The following TACC2 variants were observed in gnomAD, a reference collection of about 807,000 sequenced individuals.
The protein encoded by TACC2 is transforming acidic coiled-coil containing protein 2.
In TACC2, 137 loss-of-function variants were observed where a neutral mutation model predicts 227.3. That is an observed-to-expected ratio of 0.60 (90% CI 0.52 to 0.69). The LOEUF is 0.69. Ranked by LOEUF, TACC2 falls within the 30% of genes least tolerant of loss-of-function variation. The pLI is 0.00. For synonymous variants in TACC2, 1,523 were observed against 1,487.5 expected (o/e 1.02, Z -0.55); for missense variants, 3,470 against 3,694.4 (o/e 0.94, Z 1.57).
intron 6 of TACC2, among the ~76,000 whole-genome samples, chr10:122,137,750 G>C (rs1444643410): frequency 6.6e-6 from 1 of 152,200 alleles, no homozygotes; most frequent in African/African-American, 2.4e-5. Flanking sequence ...ATTGAGGGGG[G>C]TGTTGGGAGG....
At chr10:122,154,641 T>G (rs2092340933) in intron 7 of TACC2, among the ~76,000 whole-genome samples, 1 of 152,216 alleles carries the variant, frequency 6.6e-6, no homozygotes, top group Admixed American at 6.5e-5. Context: ...TCTGAGAATT[T>G]AGGAAAACTA....
Position 122,057,186 on chromosome 10 carries a change from C to T in TACC2, c.146+6636C>T, listed in dbSNP as rs1037677304. On this transcript the variant is annotated intron_variant, in intron 3 of 22. Transcript: ENST00000369005. ...CAGCTGGGCAACAAGAGTGAGACTC[C>T]GTCTCAAACATAAAATAAAAATAAA... 4.6e-5 allele frequency among the ~76,000 whole-genome samples: 7 copies of T among 152,060 alleles called. No individual in the cohort carries two copies. In the South Asian group the frequency reaches 6.3e-4, roughly 14 times the overall value.
intron 1 of TACC2, among the ~76,000 whole-genome samples, chr10:122,001,837 A>G (rs948194638): frequency 3.3e-5 from 5 of 152,080 alleles, no homozygotes; most frequent in East Asian, 1.9e-4. Flanking sequence ...TATGTCTTCC[A>G]CTATTATATC....
At chr10:122,243,233 T>A (rs1564830545) in intron 19 of TACC2, among the ~76,000 whole-genome samples, 1 of 152,180 alleles carries the variant, frequency 6.6e-6, no homozygotes, top group Non-Finnish European at 1.5e-5. Context: ...CGTGAGCCGC[T>A]GCACCTGGCC....
At chr10:122,243,821 C>G (rs1327197930) in intron 19 of TACC2, among the ~76,000 whole-genome samples, 1 of 152,094 alleles carries the variant, frequency 6.6e-6, no homozygotes. Context: ...CATTTTTGCC[C>G]TTGGTGATGA....
At chr10:122,127,998 C>T (rs781394775) in intron 5 of TACC2, among the ~76,000 whole-genome samples, 1 of 152,192 alleles carries the variant, frequency 6.6e-6, no homozygotes, top group Non-Finnish European at 1.5e-5. Context: ...ACACTCTCAG[C>T]CATGTTTCTT....
chr10:122,076,690 C>G (rs969863307), intron 3 of TACC2, among the ~76,000 whole-genome samples: 9 of 151,450 alleles, frequency 5.9e-5, no homozygotes, highest in Admixed American at 5.3e-4. Flanking sequence ...GCTGCCTTAA[C>G]TTTGTTTCAC....
chr10:122,189,291 A>G (rs2140432433), intron 7 of TACC2, among the ~76,000 whole-genome samples: 1 of 152,308 alleles, frequency 6.6e-6, no homozygotes, highest in South Asian at 2.1e-4. Context: ...ATTTACTCAC[A>G]GAGTCCTCAA....
chr10:122,096,200 G>A (rs1328667153), intron 5 of TACC2, among the ~76,000 whole-genome samples: 2 of 152,148 alleles, frequency 1.3e-5, no homozygotes, highest in African/African-American at 2.4e-5. Flanking sequence ...TCAGCAGGAG[G>A]TGTCTTTCCT....
intron 8 of TACC2, among the ~76,000 whole-genome samples, chr10:122,207,181 C>T (rs1445543036): frequency 6.6e-6 from 1 of 152,092 alleles, no homozygotes; most frequent in Non-Finnish European, 1.5e-5. Flanking sequence ...CACCTGTAAT[C>T]CCAGCTACTC....
intron 3 of TACC2, among the ~76,000 whole-genome samples, chr10:122,055,785 G>A (rs1054681487): frequency 2.6e-5 from 4 of 152,206 alleles, no homozygotes; most frequent in African/African-American, 7.2e-5. Context: ...TTGGTATTAC[G>A]ATGAGCCAGT....
intron 6 of TACC2, among the ~76,000 whole-genome samples, chr10:122,135,954 C>T (rs1188625016): frequency 6.6e-6 from 1 of 152,232 alleles, no homozygotes; most frequent in Non-Finnish European, 1.5e-5. Flanking sequence ...CTAAGTGCAA[C>T]AACAGGCCTC....
chr10:122,211,229 C>G lies in TACC2; in HGVS notation c.6804C>G (p.Asp2268Glu). The G allele has an allele frequency of 6.2e-7, 1 of 1,614,150 alleles. No individual in the cohort carries two copies. The highest frequency in any genetic ancestry group is 8.5e-7 in the Non-Finnish European group (1 of 1,180,034). Residue 2268 changes from aspartate to glutamate, a missense_variant, in exon 9 of 23, where the codon GAC (aspartate) becomes GAG (glutamate). Around this residue, in one of 10 missense-constraint regions of TACC2, gnomAD observed 593 missense variants for 636.6 expected, o/e 0.93. Transcript: ENST00000369005. Reference sequence around the variant, plus strand: ...GGCTCTCCGTAAGGCTGGAGTTTGACTATTCTGAGGACAAGAGTAGTTGGG... The same window carrying G: ...GGCTCTCCGTAAGGCTGGAGTTTGAGTATTCTGAGGACAAGAGTAGTTGGG... ...AKGLSVRLEF[D>E]YSEDKSSWDN...
At chr10:122,206,562 C>T (rs751181521) in intron 8 of TACC2, among the ~76,000 whole-genome samples, 1 of 152,190 alleles carries the variant, frequency 6.6e-6, no homozygotes, top group Non-Finnish European at 1.5e-5. Context: ...CCACTGATGC[C>T]TTGACCTTGG....
rs140845862 is a variant in TACC2 at position 122,143,688 on chromosome 10, C to T, written c.5816C>T (p.Pro1939Leu). The change falls in exon 7 of 23, where the codon CCG becomes CTG. Residue 1939 changes from proline to leucine, a missense_variant. Pro to Leu is a moderately conservative substitution (Grantham distance 98, BLOSUM62 -3). Coordinates refer to ENST00000369005, the MANE Select transcript of TACC2 (RefSeq NM_206862.4). ...GCTTCCACTCCCTCCTGCCCAGATC[C>T]GGCCAAGGACCTCAGCAGGTATTGC... is the stretch of plus-strand genomic sequence containing the variant. ...VEASTPSCPDPAKDLSRSSDS... is the reference protein window; with the variant it reads ...VEASTPSCPDLAKDLSRSSDS... 9.8e-5 allele frequency: 158 copies of T among 1,613,962 alleles called. No homozygotes were observed. The African/African-American group carries it at 1.2e-3, about 13-fold the overall frequency.
chr10:122,181,293 G>C (rs577956974), intron 7 of TACC2, among the ~76,000 whole-genome samples: 31 of 152,248 alleles, frequency 2.0e-4, no homozygotes, highest in Middle Eastern at 3.4e-3. Context: ...CATTCTTTTT[G>C]CATCGCTCTG....
chr10:122,166,794 A>T (rs1163535484), intron 7 of TACC2, among the ~76,000 whole-genome samples: 5 of 152,234 alleles, frequency 3.3e-5, no homozygotes, highest in African/African-American at 9.6e-5. Flanking sequence ...TCTGGCAAAG[A>T]AGTTCTTGTA....
At chr10:122,184,903 G>T (rs1422213915) in intron 7 of TACC2, among the ~76,000 whole-genome samples, 2 of 152,084 alleles carry the variant, frequency 1.3e-5, no homozygotes, top group East Asian at 3.9e-4. Flanking sequence ...GGGTGATAGC[G>T]ATGGGGGGTC....
intron 1 of TACC2, among the ~76,000 whole-genome samples, chr10:121,995,876 C>A (rs531294420): frequency 2.6e-5 from 4 of 152,044 alleles, no homozygotes; most frequent in Non-Finnish European, 4.4e-5. Flanking sequence ...GCCTCAGTCT[C>A]CTGAGTAGCT....
Sources: gnomAD v4.1 joint callset for allele counts (sites outside exome capture counted in the v4.1 genomes callset) on GRCh38, gnomAD v4.1.1 for gene constraint, gnomAD v4.1.1 regional missense constraint, MANE v1.5 for transcripts, NCBI Gene and HGNC (gene_info 2026-07-23, HGNC 2026-07-21) for gene names.